Variants in UBE2E2 observed in about 807,000 individuals in gnomAD.
UBE2E2 encodes the protein ubiquitin-conjugating enzyme E2 E2.
In UBE2E2, 6 loss-of-function variants were observed where a neutral mutation model predicts 24.7. The observed-to-expected ratio is 0.24, with a 90% confidence interval of 0.13 to 0.48. The LOEUF (loss-of-function observed/expected upper bound fraction) is 0.48. Ranked by LOEUF, UBE2E2 falls within the 20% of genes least tolerant of loss-of-function variation. The pLI is 0.99. For synonymous variants in UBE2E2, 104 were observed against 83.6 expected (o/e 1.24, Z -1.33); for missense variants, 169 against 245.0 (o/e 0.69, Z 2.07).
chr3:23,521,779 C>T (rs1694873631), intron 4 of UBE2E2, among the ~76,000 whole-genome samples: 1 of 151,132 alleles, frequency 6.6e-6, no homozygotes, highest in Non-Finnish European at 1.5e-5. Flanking sequence ...CAAGACGATT[C>T]TTCTTCTTCC....
intron 3 of UBE2E2, among the ~76,000 whole-genome samples, chr3:23,354,235 T>C (rs1695861363): frequency 6.6e-6 from 1 of 151,970 alleles, no homozygotes; most frequent in South Asian, 2.1e-4. Flanking sequence ...CAAAAATTAA[T>C]TCAAGATGGA....
At chr3:23,325,814 C>G (rs1397170896) in intron 3 of UBE2E2, among the ~76,000 whole-genome samples, 1 of 152,170 alleles carries the variant, frequency 6.6e-6, no homozygotes, top group Non-Finnish European at 1.5e-5. Flanking sequence ...AACTAGGGAG[C>G]CCTTATATCC....
At chr3:23,362,864 T>C (rs1696156405) in intron 3 of UBE2E2, among the ~76,000 whole-genome samples, 1 of 152,204 alleles carries the variant, frequency 6.6e-6, no homozygotes, top group Non-Finnish European at 1.5e-5. Flanking sequence ...AGGTGCAGCC[T>C]ACTGTTGCTT....
intron 5 of UBE2E2, among the ~76,000 whole-genome samples, chr3:23,584,726 G>GTTTTTTTTTTTTT (rs1158915900): frequency 8.8e-6 from 1 of 113,504 alleles, no homozygotes; most frequent in Non-Finnish European, 1.7e-5. Context: ...GCTGTTTTTT[G>GTTTTTTTTTTTTT]TTTTTTTTTT....
intron 3 of UBE2E2, among the ~76,000 whole-genome samples, chr3:23,260,248 A>G (rs1697859814): frequency 2.0e-5 from 3 of 152,198 alleles, no homozygotes; most frequent in Non-Finnish European, 2.9e-5. Flanking sequence ...TCCATTTATT[A>G]TATGTTTATA....
At chr3:23,224,128 T>C (rs932885975) in intron 3 of UBE2E2, among the ~76,000 whole-genome samples, 2 of 151,208 alleles carry the variant, frequency 1.3e-5, no homozygotes, top group Non-Finnish European at 2.9e-5. Flanking sequence ...TGGCTATTCA[T>C]AGTCTTGTGG....
rs766908896 is a variant in UBE2E2 at position 23,499,638 on chromosome 3, A to G, written c.258A>G (p.Glu86=). Residue 86 remains glutamate, a synonymous_variant, in exon 4 of 6, where the codon GAA becomes GAG. Transcript: ENST00000396703. The stretch of plus-strand genomic sequence containing the variant: ...GACCCAAAGGAGACAACATTTATGA[A>G]TGGAGGTCAACTATATTGGGACCCC... ...SAGPKGDNIY[E]WRSTILGPPG... is the part of the protein sequence containing the mutation. 79 of 1,613,702 alleles carry G rather than the reference A, an allele frequency of 4.9e-5. No homozygotes were observed. Among genetic ancestry groups the G allele is most frequent in the Non-Finnish European group, 5.9e-5 (70 of 1,179,866 alleles).
At chr3:23,258,809 C>T (rs1480382395) in intron 3 of UBE2E2, among the ~76,000 whole-genome samples, 5 of 141,410 alleles carry the variant, frequency 3.5e-5, no homozygotes, top group African/African-American at 1.0e-4. Flanking sequence ...AGGAGAATGG[C>T]GTGAACCCGG....
intron 3 of UBE2E2, among the ~76,000 whole-genome samples, chr3:23,237,423 T>C (rs2125335847): frequency 1.3e-5 from 2 of 152,322 alleles, no homozygotes; most frequent in African/African-American, 4.8e-5. Context: ...TCTTGTTACT[T>C]GTGTGTGACC....
intron 3 of UBE2E2, among the ~76,000 whole-genome samples, chr3:23,478,828 C>G (rs1018850687): frequency 6.6e-6 from 1 of 151,848 alleles, no homozygotes; most frequent in African/African-American, 2.4e-5. Flanking sequence ...ATCACTTGAG[C>G]CCAGGAGATC....
chr3:23,271,550 A>G (rs1427387728), intron 3 of UBE2E2, among the ~76,000 whole-genome samples: 1 of 152,100 alleles, frequency 6.6e-6, no homozygotes, highest in Non-Finnish European at 1.5e-5. Context: ...GGCCCATTTT[A>G]TGGAGAGCTG....
At chr3:23,290,946 G>A (rs532366067) in intron 3 of UBE2E2, among the ~76,000 whole-genome samples, 1 of 149,514 alleles carries the variant, frequency 6.7e-6, no homozygotes, top group East Asian at 2.0e-4. Context: ...CCTGTAGCCT[G>A]TAGTCTCAGC....
intron 3 of UBE2E2, among the ~76,000 whole-genome samples, chr3:23,218,417 G>A (rs900157412): frequency 1.4e-4 from 22 of 152,018 alleles, no homozygotes; most frequent in African/African-American, 4.1e-4. Flanking sequence ...CATCAAAGCC[G>A]TTTCAGATGG....
At chr3:23,272,782 A>C (rs938819360) in intron 3 of UBE2E2, among the ~76,000 whole-genome samples, 3 of 152,206 alleles carry the variant, frequency 2.0e-5, no homozygotes, top group Non-Finnish European at 2.9e-5. Context: ...GCTGTGGCGT[A>C]GTAGTTTCTG....
intron 3 of UBE2E2, among the ~76,000 whole-genome samples, chr3:23,229,901 A>G (rs1293829873): frequency 3.3e-5 from 5 of 152,222 alleles, no homozygotes; most frequent in African/African-American, 4.8e-5. Flanking sequence ...GCATAGATCT[A>G]GAAAAATAGC....
chr3:23,486,698 C>CAG (rs1285674788), intron 3 of UBE2E2, among the ~76,000 whole-genome samples: 2 of 152,152 alleles, frequency 1.3e-5, no homozygotes, highest in Non-Finnish European at 2.9e-5. Context: ...TCAGGAGACT[C>CAG]AAAGTGGTAA....
intron 3 of UBE2E2, among the ~76,000 whole-genome samples, chr3:23,282,113 A>C (rs530183234): frequency 6.6e-6 from 1 of 152,336 alleles, no homozygotes; most frequent in African/African-American, 2.4e-5. Context: ...TCTTATTCCA[A>C]AGCCCAGCCC....
chr3:23,566,191 T>G (rs1696068547), intron 5 of UBE2E2, among the ~76,000 whole-genome samples: 1 of 152,214 alleles, frequency 6.6e-6, no homozygotes, highest in African/African-American at 2.4e-5. Context: ...AGCAAAGCAT[T>G]GGAACAGTCC....
intron 1 of UBE2E2, among the ~76,000 whole-genome samples, chr3:23,207,118 C>T (rs1696169503): frequency 6.6e-6 from 1 of 152,078 alleles, no homozygotes; most frequent in African/African-American, 2.4e-5. Context: ...AGCACAAGGC[C>T]TTTTAGAGTC....
Sources: gnomAD v4.1 joint callset for allele counts (sites outside exome capture counted in the v4.1 genomes callset) on GRCh38, gnomAD v4.1.1 for gene constraint, MANE v1.5 for transcripts, NCBI Gene and HGNC (gene_info 2026-07-23, HGNC 2026-07-21) for gene names.